PTK2B: variants seen among roughly 807,000 people sequenced by gnomAD.
PTK2B encodes protein tyrosine kinase 2 beta.
A neutral mutation model predicts 142.9 loss-of-function variants in PTK2B; 71 were observed. The ratio of observed to expected loss-of-function variants is 0.50; its 90% CI spans 0.41 to 0.61. PTK2B has a LOEUF of 0.61. PTK2B is among the 20% of genes least tolerant of loss of function. PTK2B has a pLI of 0.00. For synonymous variants in PTK2B, 519 were observed against 503.4 expected (o/e 1.03, Z -0.42); for missense variants, 1,105 against 1,320.4 (o/e 0.84, Z 2.53).
At position 27,389,311 on chromosome 8, in the gene PTK2B, AGGAAGACAGGAG is replaced by A. The variant is rs536426845; in HGVS notation, c.-37-8225_-37-8214del. Among the ~76,000 whole-genome samples, 310 of 152,246 alleles carry A rather than the reference AGGAAGACAGGAG, an allele frequency of 2.0e-3. 16 individuals carry two copies. In the South Asian group the frequency reaches 0.063, roughly 31 times the overall value. On this transcript the variant is annotated intron_variant, in intron 1 of 30. Coordinates refer to ENST00000346049, the MANE Select transcript of PTK2B (RefSeq NM_173176.3). The stretch of plus-strand genomic sequence containing the variant: ...AGGGAGGGAAGGAAGGAAAGAAGGA[AGGAAGACAGGAG>A]GGAAGACAGGAAGACACTCCAGCCA...
At chr8:27,339,577 A>G (rs1410531291) in intron 1 of PTK2B, among the ~76,000 whole-genome samples, 1 of 152,242 alleles carries the variant, frequency 6.6e-6, no homozygotes, top group African/African-American at 2.4e-5. Context: ...ATGGGCACAG[A>G]GACATGGGCG....
At chr8:27,419,542 G>A (rs1233925868) in intron 2 of PTK2B, among the ~76,000 whole-genome samples, 1 of 152,212 alleles carries the variant, frequency 6.6e-6, no homozygotes, top group East Asian at 1.9e-4. Flanking sequence ...TGGCTAAATT[G>A]CAAACCACTC....
chr8:27,316,948 G>A (rs1190359726), intron 3 of PTK2B, among the ~76,000 whole-genome samples: 1 of 152,154 alleles, frequency 6.6e-6, no homozygotes, highest in Non-Finnish European at 1.5e-5. Flanking sequence ...TAAGCCATAA[G>A]GGGGTGTATT....
intron 1 of PTK2B, among the ~76,000 whole-genome samples, chr8:27,358,212 A>G (rs1243166138): frequency 6.6e-6 from 1 of 152,204 alleles, no homozygotes; most frequent in Non-Finnish European, 1.5e-5. Context: ...ATAGCTCTGC[A>G]CTGTAGGTTC....
rs115993019 is a variant in PTK2B at position 27,436,780 on chromosome 8, A to G, written c.1342-342A>G. On this transcript the variant is annotated intron_variant, in intron 15 of 30. Coordinates refer to ENST00000346049, the MANE Select transcript of PTK2B (RefSeq NM_173176.3). Reference sequence around the variant, plus strand: ...AGAGGCAGTAAGAATGAAAAATCCAATGATAGAGAAAGGCCCAGCCCCCAG... The same window carrying G: ...AGAGGCAGTAAGAATGAAAAATCCAGTGATAGAGAAAGGCCCAGCCCCCAG... 8.8e-3 allele frequency among the ~76,000 whole-genome samples: 1,334 copies of G among 152,286 alleles called. 24 individuals carry two copies. The highest frequency in any genetic ancestry group is 0.031 in the African/African-American group (1,283 of 41,550).
intron 1 of PTK2B, among the ~76,000 whole-genome samples, chr8:27,359,755 T>C (rs1055146571): frequency 2.2e-4 from 33 of 152,166 alleles, no homozygotes; most frequent in African/African-American, 7.5e-4. Context: ...CTATCTTTCT[T>C]TCTTTCTTTC....
intron 1 of PTK2B, among the ~76,000 whole-genome samples, chr8:27,348,503 G>C (rs891508206): frequency 2.0e-5 from 3 of 152,096 alleles, no homozygotes; most frequent in African/African-American, 7.2e-5. Flanking sequence ...GCCTAGTAAC[G>C]ATATGCTTAG....
Position 27,432,338 on chromosome 8 carries a change from C to G in PTK2B, c.964C>G (p.Leu322Val). The G allele has an allele frequency of 6.2e-7, 1 of 1,613,950 alleles. No individual in the cohort carries two copies. The highest frequency in any genetic ancestry group is 2.2e-5 in the East Asian group (1 of 44,868). The change falls in exon 10 of 31, where the codon CTG (leucine) becomes GTG (valine). Residue 322 changes from leucine to valine, a missense_variant. Leu to Val is a conservative substitution (Grantham distance 32, BLOSUM62 1). Coordinates refer to ENST00000346049, the MANE Select transcript of PTK2B (RefSeq NM_173176.3). Reference protein sequence around the residue: ...PLEEGQAVLQLGIEGAPQALS... With the variant: ...PLEEGQAVLQVGIEGAPQALS... Reference sequence around the variant, plus strand: ...GGAGGAGGGCCAGGCAGTACTTCAGCTGGGCATTGAAGGTGCCCCCCAGGT... The same window carrying G: ...GGAGGAGGGCCAGGCAGTACTTCAGGTGGGCATTGAAGGTGCCCCCCAGGT...
chr8:27,341,975 G>A (rs191536017), intron 1 of PTK2B, among the ~76,000 whole-genome samples: 130 of 152,230 alleles, frequency 8.5e-4, no homozygotes, highest in African/African-American at 3.1e-3. Flanking sequence ...ACCCCACCTG[G>A]CTGCAGGGCT....
intron 3 of PTK2B, among the ~76,000 whole-genome samples, chr8:27,314,123 T>A (rs1330681009): frequency 1.3e-5 from 2 of 152,190 alleles, no homozygotes; most frequent in Non-Finnish European, 2.9e-5. Flanking sequence ...CAGGCCTAGG[T>A]TCCCCACTCA....
At position 27,437,420 on chromosome 8, in the gene PTK2B, C is replaced by T. The variant is rs781741081; in HGVS notation, c.1451C>T (p.Pro484Leu). The T allele has an allele frequency of 3.0e-5, 48 of 1,613,254 alleles. No individual in the cohort carries two copies. The highest frequency in any genetic ancestry group is 1.4e-4 in the South Asian group (13 of 90,960). Residue 484 changes from proline to leucine, a missense_variant, in exon 17 of 31, where the codon CCG (proline) becomes CTG (leucine). By Grantham distance (98) the Pro-to-Leu change is moderately conservative. Coordinates refer to ENST00000346049, the MANE Select transcript of PTK2B (RefSeq NM_173176.3). ...GTGATCATGAAGAACCTCGACCACC[C>T]GCACATCGTGAAGCTGATCGGCATC... is the stretch of plus-strand genomic sequence containing the variant. ...EAVIMKNLDH[P>L]HIVKLIGIIE...
intron 2 of PTK2B, among the ~76,000 whole-genome samples, chr8:27,409,598 A>G (rs867070639): frequency 1.3e-5 from 2 of 152,214 alleles, no homozygotes; most frequent in Non-Finnish European, 1.5e-5. Context: ...CCTTGTGTTC[A>G]TTAGTTTGGG....
rs113206624 is a variant in PTK2B at position 27,453,200 on chromosome 8, G to A, written c.2595+40G>A. ...TGCTGAAACTGATAAATGAGAGTGG[G>A]GGTTGCACAAAACTGAAGACCATGG... On this transcript the variant is annotated intron_variant, in intron 28 of 30. Coordinates refer to ENST00000346049, the MANE Select transcript of PTK2B (RefSeq NM_173176.3). 770 of 1,610,244 alleles carry A rather than the reference G, an allele frequency of 4.8e-4. 4 individuals carry two copies. The African/African-American group carries it at 8.8e-3, about 18-fold the overall frequency.
At chr8:27,388,332 T>G (rs901430548) in intron 1 of PTK2B, among the ~76,000 whole-genome samples, 5 of 152,024 alleles carry the variant, frequency 3.3e-5, no homozygotes, top group Admixed American at 3.3e-4. Context: ...AGAGGAGAAG[T>G]TGGAGGATAA....
In PTK2B at chr8:27,444,249, T is replaced by G; in HGVS notation, c.2192T>G (p.Leu731Arg). Residue 731 changes from leucine to arginine, a missense_variant, in exon 23 of 31, where the codon CTG becomes CGG. By Grantham distance (102) the Leu-to-Arg change is moderately radical. Coordinates refer to ENST00000346049, the MANE Select transcript of PTK2B (RefSeq NM_173176.3). The part of the protein sequence containing the change: ...KYRPPPQTNL[L>R]APKLQFQVPE... ...AGACCCCCTCCGCAAACCAACCTCC[T>G]GGCTCCAAAGCTGCAGTTCCAGGTA... is the stretch of plus-strand genomic sequence containing the variant. The G allele has an allele frequency of 6.2e-7, 1 of 1,613,820 alleles. No homozygotes were observed. Among genetic ancestry groups the G allele is most frequent in the South Asian group, 1.1e-5 (1 of 91,074 alleles).
rs369129837 is a variant in PTK2B at position 27,437,485 on chromosome 8, C to T, written c.1516C>T (p.Pro506Ser). ...EPTWIIMELY[P>S]YGELGHYLER... is the part of the protein sequence containing the mutation. ...CACCTGGATCATCATGGAATTGTAT[C>T]CCTATGGGGAGGTGAGCTGGAGGAC... The change falls in exon 17 of 31, where the codon CCC becomes TCC. Residue 506 changes from proline to serine, a missense_variant. Coordinates refer to ENST00000346049, the MANE Select transcript of PTK2B (RefSeq NM_173176.3). 3.1e-6 allele frequency: 5 copies of T among 1,607,852 alleles called. No homozygotes were observed. The highest frequency in any genetic ancestry group is 4.2e-6 in the Non-Finnish European group (5 of 1,176,970).
At chr8:27,397,527 G>T (rs778920417) in intron 1 of PTK2B, 21 bp from the exon 2 acceptor site, 2 of 1,584,370 alleles carry the variant, frequency 1.3e-6, no homozygotes, top group South Asian at 1.1e-5. Context: ...TTTCAGGGCT[G>T]ACCCTCTGCT....
intron 1 of PTK2B, among the ~76,000 whole-genome samples, chr8:27,391,005 G>A (rs569053161): frequency 2.2e-4 from 33 of 152,100 alleles, no homozygotes; most frequent in South Asian, 6.2e-4. Context: ...AAATGTACGC[G>A]CCTTCTCCCT....
Position 27,439,291 on chromosome 8 carries a change from C to G in PTK2B, c.1745-18C>G, listed in dbSNP as rs1489752467. 8.1e-6 allele frequency: 13 copies of G among 1,604,504 alleles called. No homozygotes were observed. The highest frequency in any genetic ancestry group is 1.3e-5 in the African/African-American group (1 of 74,696). ...TGATCTTTCTTCCCTAAAAATCAAC[C>G]TCTTTGCCCACCCAAAGCCTCTGTG... On this transcript the variant is annotated intron_variant, in intron 19 of 30. Transcript: ENST00000346049.
Sources: gnomAD v4.1 joint callset for allele counts (sites outside exome capture counted in the v4.1 genomes callset) on GRCh38, gnomAD v4.1.1 for gene constraint, MANE v1.5 for transcripts, NCBI Gene and HGNC (gene_info 2026-07-23, HGNC 2026-07-21) for gene names.